Variants in SCGB2B2 observed in about 807,000 individuals in gnomAD.
SCGB2B2 encodes secretoglobin family 2B member 2.
A neutral mutation model predicts 7.6 loss-of-function variants in SCGB2B2; 11 were observed. The ratio of observed to expected loss-of-function variants is 1.45; its 90% confidence interval spans 0.91 to 2.40. The LOEUF is 2.40. SCGB2B2 is among the 30% of genes most tolerant of loss of function. The pLI, the probability that SCGB2B2 is intolerant of heterozygous loss-of-function variation, is 0.00. For synonymous variants in SCGB2B2, 50 were observed against 48.6 expected (o/e 1.03, Z -0.12); for missense variants, 104 against 115.4 (o/e 0.90, Z 0.45).
chr19:34,634,929 C>T (rs1568436836), intron 1 of SCGB2B2: 1 of 268,462 alleles, frequency 3.7e-6, no homozygotes, highest in Non-Finnish European at 7.8e-6. Context: ...TGTGCACTCA[C>T]AGCCTTTCAC....
intron 1 of SCGB2B2, among the ~76,000 whole-genome samples, chr19:34,626,318 G>A (rs2066375266): frequency 6.6e-6 from 1 of 152,112 alleles, no homozygotes; most frequent in African/African-American, 2.4e-5. Context: ...CTGAACTAAA[G>A]GAGGAAGTTC....
At position 34,594,874 on chromosome 19, in the gene SCGB2B2, T is replaced by C; in HGVS notation, c.-311A>G. The C allele has an allele frequency of 2.4e-6, 1 of 422,748 alleles. No individual in the cohort carries two copies. The allele number at this position is 422,748 out of a possible 1,614,324, so 26.2% of individuals were successfully genotyped here. On this transcript the variant is annotated 5_prime_UTR_variant, in exon 2 of 4. Coordinates refer to ENST00000601241, the MANE Select transcript of SCGB2B2 (RefSeq NM_001025591.4). ...ATTGGGAGCAGGCTGAACACTGGTG[T>C]AAGCCTGCAAGTCTGAGTGTGCATG...
intron 1 of SCGB2B2, among the ~76,000 whole-genome samples, chr19:34,662,959 C>CAA (rs200722278): frequency 6.1e-5 from 9 of 147,634 alleles, no homozygotes; most frequent in Admixed American, 2.0e-4. Context: ...AACAAACAAA[C>CAA]AAAAAAAAAC....
chr19:34,640,254 A>T (rs1178533067), intron 1 of SCGB2B2, among the ~76,000 whole-genome samples: 2 of 152,002 alleles, frequency 1.3e-5, no homozygotes, highest in Non-Finnish European at 2.9e-5. Context: ...GGTGTGCACC[A>T]GACCTGGCTA....
chr19:34,673,763 T>G (rs990277896), intron 1 of SCGB2B2, among the ~76,000 whole-genome samples: 1 of 152,192 alleles, frequency 6.6e-6, no homozygotes, highest in African/African-American at 2.4e-5. Context: ...GACTCTGCAC[T>G]GTTGTAGGAG....
intron 1 of SCGB2B2, among the ~76,000 whole-genome samples, chr19:34,622,991 C>G (rs2066279235): frequency 6.6e-6 from 1 of 150,874 alleles, no homozygotes; most frequent in South Asian, 2.1e-4. Context: ...TCCTTTGTGG[C>G]TTCTCCAATA....
intron 1 of SCGB2B2, among the ~76,000 whole-genome samples, chr19:34,641,096 A>G (rs2066827977): frequency 6.6e-6 from 1 of 152,004 alleles, no homozygotes; most frequent in African/African-American, 2.4e-5. Context: ...AAAGATTATG[A>G]CCAATTGGAC....
At chr19:34,636,411 C>T (rs1477878166) in intron 1 of SCGB2B2, among the ~76,000 whole-genome samples, 6 of 152,208 alleles carry the variant, frequency 3.9e-5, no homozygotes, top group African/African-American at 1.2e-4. Context: ...GAGGCTGCAT[C>T]TCCCTCTCAC....
At chr19:34,613,766 GCCTC>G (rs1343373437) in intron 1 of SCGB2B2, among the ~76,000 whole-genome samples, 2 of 151,924 alleles carry the variant, frequency 1.3e-5, no homozygotes, top group African/African-American at 4.8e-5. Context: ...TTATCTTTTT[GCCTC>G]CAGATGTAGT....
chr19:34,666,482 G>A (rs2067625560), intron 1 of SCGB2B2, among the ~76,000 whole-genome samples: 1 of 152,082 alleles, frequency 6.6e-6, no homozygotes, highest in African/African-American at 2.4e-5. Flanking sequence ...GATGCCTGCA[G>A]TGCACAGCCA....
At chr19:34,589,670 G>A (rs899673314), downstream of SCGB2B2, among the ~76,000 whole-genome samples, 1 of 152,100 alleles carries the variant, frequency 6.6e-6, no homozygotes, top group African/African-American at 2.4e-5. Flanking sequence ...TGTCATCATG[G>A]TGACCCTTTG....
intron 1 of SCGB2B2, among the ~76,000 whole-genome samples, chr19:34,647,716 G>A (rs140319198): frequency 2.6e-5 from 4 of 152,328 alleles, no homozygotes; most frequent in East Asian, 1.9e-4. Flanking sequence ...AGATGAGGGC[G>A]CTGCTTCCCT....
intron 1 of SCGB2B2, among the ~76,000 whole-genome samples, chr19:34,674,892 T>C (rs969716558): frequency 3.9e-5 from 6 of 152,212 alleles, no homozygotes. Context: ...TGGGAAACGA[T>C]CTTAATAACC....
chr19:34,663,401 A>G (rs1440685926), intron 1 of SCGB2B2, among the ~76,000 whole-genome samples: 1 of 152,244 alleles, frequency 6.6e-6, no homozygotes, highest in Non-Finnish European at 1.5e-5. Flanking sequence ...AAAGACAGCA[A>G]TGTGGATTGA....
chr19:34,662,055 T>C (rs946211967), intron 1 of SCGB2B2, among the ~76,000 whole-genome samples: 1 of 152,058 alleles, frequency 6.6e-6, no homozygotes, highest in Non-Finnish European at 1.5e-5. Flanking sequence ...AATTTTTTTG[T>C]ATTTTTAGTG....
At chr19:34,650,840 T>G (rs1309528900) in intron 1 of SCGB2B2, among the ~76,000 whole-genome samples, 3 of 151,318 alleles carry the variant, frequency 2.0e-5, no homozygotes, top group African/African-American at 4.9e-5. Context: ...TAAACACAGA[T>G]GCAAACATTC....
intron 1 of SCGB2B2, among the ~76,000 whole-genome samples, chr19:34,599,740 C>T (rs931064): frequency 6.6e-6 from 1 of 152,086 alleles, no homozygotes; most frequent in African/African-American, 2.4e-5. Flanking sequence ...TTTTCCTCCC[C>T]GCCCTGTTCT....
chr19:34,625,908 C>G (rs1600054190), intron 1 of SCGB2B2, among the ~76,000 whole-genome samples: 1 of 152,188 alleles, frequency 6.6e-6, no homozygotes, highest in Non-Finnish European at 1.5e-5. Flanking sequence ...CCGGGTACTC[C>G]TCTGAGACAA....
At chr19:34,610,881 T>C (rs1157350347) in intron 1 of SCGB2B2, among the ~76,000 whole-genome samples, 2 of 151,892 alleles carry the variant, frequency 1.3e-5, no homozygotes, top group Non-Finnish European at 2.9e-5. Flanking sequence ...CTTGGAAGAC[T>C]CTGAGAAGAA....
Sources: gnomAD v4.1 joint callset for allele counts (sites outside exome capture counted in the v4.1 genomes callset) on GRCh38, gnomAD v4.1.1 for gene constraint, MANE v1.5 for transcripts, NCBI Gene and HGNC (gene_info 2026-07-23, HGNC 2026-07-21) for gene names.